The following RERE variants were observed in gnomAD, a reference collection of about 807,000 sequenced individuals.
RERE encodes the protein arginine-glutamic acid dipeptide repeats.
A neutral mutation model predicts 146.1 loss-of-function variants in RERE; 40 were observed. That is an observed-to-expected ratio of 0.27 (90% confidence interval 0.21 to 0.36). The LOEUF is 0.36. Ranked by LOEUF, RERE falls within the 10% of genes least tolerant of loss-of-function variation. RERE has a pLI of 1.00. For missense variants in RERE, 1,933 were observed against 2,138.7 expected (o/e 0.90, Z 1.90); for synonymous variants, 1,003 against 866.0 (o/e 1.16, Z -2.78).
Position 8,365,764 on chromosome 1 carries a change from G to A in RERE, c.1447+48C>T, listed in dbSNP as rs753612731. The A allele has an allele frequency of 1.6e-5, 25 of 1,599,878 alleles. No homozygotes were observed. The Admixed American group carries it at 1.7e-4, about 11-fold the overall frequency. ...GGGCCCAGAGTGGGACAGGCTGCCC[G>A]TGAACAGTCTCCCCTCCGCCCACTG... On this transcript the variant is annotated intron_variant, in intron 13 of 22. Transcript: ENST00000400908.
chr1:8,664,921 C>G (rs1638536394), intron 1 of RERE, among the ~76,000 whole-genome samples: 1 of 152,200 alleles, frequency 6.6e-6, no homozygotes, highest in African/African-American at 2.4e-5. Context: ...GACATTATGT[C>G]AATCCCCACT....
At chr1:8,493,348 C>T (rs540381095) in intron 10 of RERE, among the ~76,000 whole-genome samples, 21 of 152,320 alleles carry the variant, frequency 1.4e-4, no homozygotes, top group African/African-American at 4.1e-4. Flanking sequence ...TCCCCACTAA[C>T]TATCCTATCG....
At chr1:8,497,622 T>C in intron 8 of RERE, 93 bp from the exon 9 acceptor site, 1 of 1,376,498 alleles carries the variant, frequency 7.3e-7, no homozygotes, top group African/African-American at 1.4e-5. Context: ...TATACAATGT[T>C]TTACTGAGAC....
chr1:8,421,857 A>G (rs753778999), intron 12 of RERE, among the ~76,000 whole-genome samples: 1 of 152,192 alleles, frequency 6.6e-6, no homozygotes, highest in Non-Finnish European at 1.5e-5. Flanking sequence ...AAAGTCCTGA[A>G]GAGTGTTTCT....
intron 8 of RERE, among the ~76,000 whole-genome samples, chr1:8,502,391 C>T (rs867865249): frequency 2.9e-4 from 34 of 117,400 alleles, no homozygotes; most frequent in Middle Eastern, 5.1e-3. Context: ...TGAGGGGCGC[C>T]TCTGCCCGGC....
chr1:8,425,311 T>C (rs949575429), intron 11 of RERE: 1 of 152,280 alleles, frequency 6.6e-6, no homozygotes, highest in Non-Finnish European at 1.5e-5. Context: ...TGATTCATTT[T>C]TGCACGTAAG....
intron 12 of RERE, among the ~76,000 whole-genome samples, chr1:8,405,035 G>A (rs575521958): frequency 1.3e-5 from 2 of 152,194 alleles, no homozygotes; most frequent in African/African-American, 4.8e-5. Context: ...GTGGGGGAGG[G>A]TGAGGGAGTG....
intron 12 of RERE, among the ~76,000 whole-genome samples, chr1:8,371,174 C>G (rs1010805034): frequency 2.0e-5 from 3 of 152,296 alleles, no homozygotes; most frequent in Non-Finnish European, 2.9e-5. Context: ...AAGAGAAGTG[C>G]TCAAATCCAT....
chr1:8,401,038 CATATATATATAT>C (rs59752248), intron 12 of RERE, among the ~76,000 whole-genome samples: 3,005 of 57,430 alleles, frequency 0.052, 219 homozygotes, highest in African/African-American at 0.14. Flanking sequence ...AAAAAAAAAC[CATATATATATAT>C]ATATATATAT....
At position 8,410,808 on chromosome 1, in the gene RERE, G is replaced by C. The variant is rs529580742; in HGVS notation, c.1284+11919C>G. ...ATTTAATATCCACACTACATTGTTC[G>C]GCACTTGGTTTCCCTCCAGTATGCA... is the stretch of plus-strand genomic sequence containing the variant. On this transcript the variant is annotated intron_variant, in intron 12 of 22. Transcript: ENST00000400908. 2.0e-4 allele frequency among the ~76,000 whole-genome samples: 30 copies of C among 152,142 alleles called. No homozygotes were observed. The South Asian group carries it at 4.6e-3, about 23-fold the overall frequency.
intron 1 of RERE, among the ~76,000 whole-genome samples, chr1:8,694,755 T>C (rs1045739556): frequency 1.3e-5 from 2 of 150,304 alleles, no homozygotes; most frequent in South Asian, 2.1e-4. Context: ...CGAGACTCTA[T>C]CTCAAAAAAA....
chr1:8,567,515 C>T (rs893706767), intron 4 of RERE, among the ~76,000 whole-genome samples: 3 of 152,102 alleles, frequency 2.0e-5, no homozygotes, highest in Non-Finnish European at 4.4e-5. Flanking sequence ...AAACTTCTGC[C>T]GCTGTTAAAT....
intron 4 of RERE, among the ~76,000 whole-genome samples, chr1:8,588,050 C>T (rs1368874300): frequency 6.6e-6 from 1 of 152,126 alleles, no homozygotes; most frequent in Non-Finnish European, 1.5e-5. Flanking sequence ...CACTATGTGC[C>T]ATGCACTGTA....
chr1:8,660,655 GC>G (rs1638435281), intron 1 of RERE, among the ~76,000 whole-genome samples: 2 of 152,116 alleles, frequency 1.3e-5, no homozygotes, highest in African/African-American at 2.4e-5. Flanking sequence ...CTCTTCACAG[GC>G]ACCAACTTCT....
chr1:8,395,657 G>A (rs933868605), intron 12 of RERE, among the ~76,000 whole-genome samples: 7 of 152,112 alleles, frequency 4.6e-5, no homozygotes, highest in African/African-American at 7.2e-5. Context: ...AGGAAGCAAT[G>A]TCAAACCTGT....
intron 6 of RERE, among the ~76,000 whole-genome samples, chr1:8,546,897 A>G (rs1645869652): frequency 1.3e-5 from 2 of 151,848 alleles, no homozygotes; most frequent in East Asian, 1.9e-4. Flanking sequence ...GCTTAGGGGG[A>G]AAAAGTCCAA....
chr1:8,738,557 C>T (rs1228347746), intron 1 of RERE, among the ~76,000 whole-genome samples: 1 of 152,100 alleles, frequency 6.6e-6, no homozygotes, highest in Non-Finnish European at 1.5e-5. Context: ...CCCCACCCCT[C>T]AAGGCAGAGC....
chr1:8,600,719 CA>C (rs1325952150), intron 4 of RERE, among the ~76,000 whole-genome samples: 1 of 149,234 alleles, frequency 6.7e-6, no homozygotes, highest in Non-Finnish European at 1.5e-5. Flanking sequence ...ACTCAAAACA[CA>C]GAAAAAATTA....
At position 8,360,362 on chromosome 1, in the gene RERE, G is replaced by A. The variant is rs759640906; in HGVS notation, c.3145C>T (p.Pro1049Ser). The change falls in exon 18 of 23, where the codon CCT becomes TCT. Residue 1049 changes from proline to serine, a missense_variant. Physicochemically the swap from Pro to Ser is moderately conservative, Grantham distance 74. Coordinates refer to ENST00000400908, the MANE Select transcript of RERE (RefSeq NM_001042681.2). ...GTAGAGGTGGAGGGGCAGGTCGGAG[G>A]GGTGATGGGAGGAGGGCCTCCAGGG... ...FVPGGPPPIT[P>S]PTCPSTSTPP... 3.5e-5 allele frequency: 52 copies of A among 1,474,990 alleles called. No homozygotes were observed. In the African/African-American group the frequency reaches 5.6e-4, roughly 16 times the overall value. The allele number at this position is 1,474,990 out of a possible 1,614,324, so 91.4% of individuals were successfully genotyped here. A position where few individuals can be genotyped will look rare whatever the true frequency, so the allele number is the denominator to read the frequency against.
Sources: allele counts gnomAD v4.1 joint callset (sites outside exome capture counted in the v4.1 genomes callset), GRCh38; gene constraint gnomAD v4.1.1; transcripts MANE v1.5; gene names NCBI Gene and HGNC (gene_info 2026-07-23, HGNC 2026-07-21).